The following ADCY2 variants were observed in gnomAD, a reference collection of about 807,000 sequenced individuals.
ADCY2 encodes the protein adenylate cyclase 2.
ADCY2 carries 31 observed loss-of-function variants against 125.2 expected under a neutral mutation model. That is an observed-to-expected ratio of 0.25 (90% CI 0.19 to 0.33). The LOEUF is 0.33. ADCY2 is among the 10% of genes least tolerant of loss of function. The probability of loss-of-function intolerance (pLI) is 1.00; values close to 1 mark genes in which losing one functional copy is unlikely to be tolerated. For missense variants in ADCY2, 904 were observed against 1,418.2 expected, an observed-to-expected ratio of 0.64 and a Z score of 5.82; for synonymous variants, 512 against 548.4, an observed-to-expected ratio of 0.93 and a Z score of 0.93.
intron 21 of ADCY2, among the ~76,000 whole-genome samples, chr5:7,804,069 A>AGC (rs1169991280): frequency 1.1e-4 from 16 of 140,442 alleles, no homozygotes; most frequent in African/African-American, 1.9e-4. Context: ...AGAGAGAGAG[A>AGC]GAGAGCTGGT....
At chr5:7,553,927 G>A (rs1735426229) in intron 3 of ADCY2, among the ~76,000 whole-genome samples, 1 of 152,138 alleles carries the variant, frequency 6.6e-6, no homozygotes, top group African/African-American at 2.4e-5. Context: ...TGAGGGAATA[G>A]CAAACATGTT....
chr5:7,641,066 A>G (rs1579266648), intron 4 of ADCY2, among the ~76,000 whole-genome samples: 1 of 152,182 alleles, frequency 6.6e-6, no homozygotes, highest in East Asian at 1.9e-4. Context: ...CTGCCACTCT[A>G]TGCCTTTCAA....
intron 22 of ADCY2, among the ~76,000 whole-genome samples, chr5:7,809,058 T>C (rs1230738773): frequency 1.3e-5 from 2 of 152,244 alleles, no homozygotes; most frequent in South Asian, 2.1e-4. Flanking sequence ...TTGAGAAGAC[T>C]ATATTTAATA....
intron 12 of ADCY2, among the ~76,000 whole-genome samples, chr5:7,717,606 T>C (rs1579351087): frequency 6.6e-6 from 1 of 152,194 alleles, no homozygotes; most frequent in African/African-American, 2.4e-5. Context: ...TCTGTTCTTA[T>C]TACAAAATTA....
At chr5:7,446,415 GGTA>G (rs1439232790) in intron 2 of ADCY2, among the ~76,000 whole-genome samples, 1 of 152,018 alleles carries the variant, frequency 6.6e-6, no homozygotes, top group Non-Finnish European at 1.5e-5. Context: ...GCTTTTGCCT[GGTA>G]ATTTCTTTTA....
At chr5:7,670,133 A>G (rs1739884592) in intron 4 of ADCY2, among the ~76,000 whole-genome samples, 1 of 152,172 alleles carries the variant, frequency 6.6e-6, no homozygotes, top group African/African-American at 2.4e-5. Context: ...AGTATATGAA[A>G]AACACTGCAT....
chr5:7,434,125 A>C (rs1242675559), intron 2 of ADCY2, among the ~76,000 whole-genome samples: 1 of 152,246 alleles, frequency 6.6e-6, no homozygotes, highest in Non-Finnish European at 1.5e-5. Flanking sequence ...GATGACAAAT[A>C]AATGCAAAAG....
chr5:7,744,998 G>C (rs931841587), intron 15 of ADCY2, among the ~76,000 whole-genome samples: 2 of 152,184 alleles, frequency 1.3e-5, no homozygotes, highest in Non-Finnish European at 2.9e-5. Context: ...TACCTCTCAG[G>C]AGTATTGTGG....
chr5:7,704,148 G>C (rs1741184347), intron 7 of ADCY2, among the ~76,000 whole-genome samples: 1 of 152,086 alleles, frequency 6.6e-6, no homozygotes, highest in Non-Finnish European at 1.5e-5. Context: ...CATTCATTGA[G>C]CCGTGCGTGG....
At chr5:7,780,912 A>G (rs1743902602) in intron 18 of ADCY2, among the ~76,000 whole-genome samples, 1 of 152,240 alleles carries the variant, frequency 6.6e-6, no homozygotes, top group African/African-American at 2.4e-5. Flanking sequence ...GATGAGCAAA[A>G]TGATTACTCC....
At chr5:7,766,389 A>G (rs1172898094) in intron 16 of ADCY2, among the ~76,000 whole-genome samples, 1 of 152,218 alleles carries the variant, frequency 6.6e-6, no homozygotes, top group East Asian at 1.9e-4. Context: ...CAAAGGTGAT[A>G]TCGGTTTCAA....
chr5:7,730,185 C>G lies in ADCY2; in HGVS notation c.1871+2924C>G, dbSNP rs541726325. On this transcript the variant is annotated intron_variant, in intron 14 of 24. Transcript: ENST00000338316. ...TCACTTAGAATAATGGCTTCCAGCT[C>G]CAACCAAGTTGCTGCAAAAGATATT... Among the ~76,000 whole-genome samples, 15 of 152,282 alleles carry G rather than the reference C, an allele frequency of 9.9e-5. No individual in the cohort carries two copies. The South Asian group carries it at 2.1e-3, about 21-fold the overall frequency.
chr5:7,491,467 T>C (rs1743162629), intron 2 of ADCY2, among the ~76,000 whole-genome samples: 1 of 152,222 alleles, frequency 6.6e-6, no homozygotes, highest in African/African-American at 2.4e-5. Flanking sequence ...GTAAGAGGAC[T>C]TAGAAACTAA....
At chr5:7,520,429 A>G (rs16878746) in intron 2 of ADCY2, among the ~76,000 whole-genome samples, 4,103 of 152,234 alleles carry the variant, frequency 0.027, 180 homozygotes, top group African/African-American at 0.093. Flanking sequence ...TCCTCAGTGC[A>G]TGTTCTAAAG....
intron 2 of ADCY2, among the ~76,000 whole-genome samples, chr5:7,476,308 CCCAGCCCACAGG>C: frequency 6.6e-6 from 1 of 151,974 alleles, no homozygotes; most frequent in Non-Finnish European, 1.5e-5. Context: ...GTGGAGAAGA[CCCAGCCCACAGG>C]CCAGGCCTGG....
intron 1 of ADCY2, among the ~76,000 whole-genome samples, chr5:7,407,707 G>T (rs1739552817): frequency 2.0e-5 from 3 of 152,004 alleles, no homozygotes; most frequent in Non-Finnish European, 4.4e-5. Context: ...CCACAAGTTG[G>T]GAAGAAGAGC....
intron 3 of ADCY2, among the ~76,000 whole-genome samples, chr5:7,579,771 G>A (rs978234212): frequency 2.0e-5 from 3 of 152,118 alleles, no homozygotes; most frequent in African/African-American, 7.2e-5. Flanking sequence ...GACAATCAGT[G>A]GAAACCAATA....
chr5:7,698,435 C>T lies in ADCY2; in HGVS notation c.1109+61C>T, dbSNP rs1033691864. 8 of 1,581,434 alleles carry T rather than the reference C, an allele frequency of 5.1e-6. No homozygotes were observed. The African/African-American group carries it at 9.4e-5, about 19-fold the overall frequency. On this transcript the variant is annotated intron_variant, in intron 7 of 24. Coordinates refer to ENST00000338316, the MANE Select transcript of ADCY2 (RefSeq NM_020546.3). ...CTTTAAGTTCTGGGGTACATGTGCA[C>T]AACGTGCAGGTTTGTTACATAGGTA... is the stretch of plus-strand genomic sequence containing the variant.
intron 2 of ADCY2, among the ~76,000 whole-genome samples, chr5:7,490,909 A>G (rs1743139302): frequency 6.6e-6 from 1 of 152,258 alleles, no homozygotes; most frequent in Non-Finnish European, 1.5e-5. Context: ...ATATGATACA[A>G]GTAAGAAATA....
Sources: gnomAD v4.1 joint callset for allele counts (sites outside exome capture counted in the v4.1 genomes callset) on GRCh38, gnomAD v4.1.1 for gene constraint, MANE v1.5 for transcripts, NCBI Gene and HGNC (gene_info 2026-07-23, HGNC 2026-07-21) for gene names.